The following LIMS1 variants were observed in gnomAD, a reference collection of about 807,000 sequenced individuals.
LIMS1 encodes the protein LIM zinc finger domain containing 1.
LIMS1 carries 18 observed loss-of-function variants against 44.1 expected under a neutral mutation model. That is an observed-to-expected ratio of 0.41 (90% CI 0.28 to 0.61). LIMS1 has a LOEUF of 0.61. LIMS1 is among the 20% of genes least tolerant of loss of function. LIMS1 has a pLI of 0.32. For synonymous variants in LIMS1, 93 were observed against 149.1 expected (o/e 0.62, Z 2.74); for missense variants, 201 against 422.0 (o/e 0.48, Z 4.59).
chr2:108,551,909 A>T (rs1270132845), intron 1 of LIMS1, among the ~76,000 whole-genome samples: 2 of 135,924 alleles, frequency 1.5e-5, no homozygotes, highest in African/African-American at 2.8e-5. Context: ...ATATATGTAT[A>T]TGTGTGTATA....
chr2:108,638,959 T>C (rs976569439), intron 1 of LIMS1, among the ~76,000 whole-genome samples: 1 of 151,684 alleles, frequency 6.6e-6, no homozygotes, highest in Non-Finnish European at 1.5e-5. Context: ...AGGAGAATGG[T>C]GTGAACCCGG....
chr2:108,589,767 CT>C (rs758552270), intron 1 of LIMS1, among the ~76,000 whole-genome samples: 100 of 152,170 alleles, frequency 6.6e-4, no homozygotes, highest in Non-Finnish European at 1.2e-3. Flanking sequence ...TTAATTTCCC[CT>C]TTAATTTTTT....
rs1573354209 is a variant in LIMS1 at position 108,574,426 on chromosome 2, G to T, written c.32+39832G>T. 2.0e-5 allele frequency among the ~76,000 whole-genome samples: 3 copies of T among 152,208 alleles called. No individual in the cohort carries two copies. The Middle Eastern group carries it at 0.01, about 518-fold the overall frequency. ...ATTTGCTGGGGCTTTTTTCTCATCTGGCTGCTCTCCACTGCCCAAGACTTA... is the reference window on the plus strand; with the variant it reads ...ATTTGCTGGGGCTTTTTTCTCATCTTGCTGCTCTCCACTGCCCAAGACTTA... On this transcript the variant is annotated intron_variant, in intron 1 of 9. Transcript: ENST00000544547.
upstream of LIMS1, chr2:108,533,970 G>C (rs886773161): frequency 2.6e-5 from 4 of 153,160 alleles, no homozygotes; most frequent in Non-Finnish European, 4.4e-5. Context: ...AGGACGGGGC[G>C]GAACCCTGTG....
chr2:108,616,114 A>G (rs1687913781), intron 1 of LIMS1, among the ~76,000 whole-genome samples: 1 of 151,876 alleles, frequency 6.6e-6, no homozygotes, highest in Non-Finnish European at 1.5e-5. Context: ...ATAATGGTCT[A>G]AATTGAAGAC....
chr2:108,628,084 A>G (rs1412993932), intron 1 of LIMS1, among the ~76,000 whole-genome samples: 1 of 152,148 alleles, frequency 6.6e-6, no homozygotes, highest in Admixed American at 6.5e-5. Flanking sequence ...TGCAGTGCTG[A>G]GTGTTCTTGA....
At chr2:108,624,711 C>A (rs1471220265) in intron 1 of LIMS1, among the ~76,000 whole-genome samples, 1 of 152,042 alleles carries the variant, frequency 6.6e-6, no homozygotes. Flanking sequence ...GAGCCGAGAT[C>A]GCGCCACTGC....
At chr2:108,625,187 A>G (rs1374908047) in intron 1 of LIMS1, among the ~76,000 whole-genome samples, 1 of 152,210 alleles carries the variant, frequency 6.6e-6, no homozygotes, top group Non-Finnish European at 1.5e-5. Context: ...TGGGTTTTAC[A>G]TTTTTGAATG....
chr2:108,592,435 T>C (rs1292199573), intron 1 of LIMS1, among the ~76,000 whole-genome samples: 1 of 152,068 alleles, frequency 6.6e-6, no homozygotes, highest in African/African-American at 2.4e-5. Context: ...TCTAAAAAAA[T>C]TGAAAAATAA....
chr2:108,559,186 C>T (rs1292608800), intron 1 of LIMS1, among the ~76,000 whole-genome samples: 1 of 152,170 alleles, frequency 6.6e-6, no homozygotes, highest in Non-Finnish European at 1.5e-5. Flanking sequence ...ATAAAGTTCT[C>T]TGTAGAAGGC....
intron 1 of LIMS1, among the ~76,000 whole-genome samples, chr2:108,587,576 G>C (rs1686171405): frequency 6.6e-6 from 1 of 151,976 alleles, no homozygotes. Flanking sequence ...TCCTAAAAAT[G>C]ATTCCTCTAT....
At chr2:108,540,111 C>A (rs1196843535) in intron 1 of LIMS1, among the ~76,000 whole-genome samples, 1 of 149,950 alleles carries the variant, frequency 6.7e-6, no homozygotes, top group Non-Finnish European at 1.5e-5. Context: ...AATCTATGCA[C>A]ATACTAAGTG....
At chr2:108,667,547 A>ATATATAT (rs1248370235) in intron 2 of LIMS1, among the ~76,000 whole-genome samples, 31 of 72,480 alleles carry the variant, frequency 4.3e-4, no homozygotes, top group African/African-American at 1.4e-3. Context: ...TTAAAAAAAA[A>ATATATAT]AAAAATATAT....
chr2:108,639,660 T>G (rs1355602478), intron 1 of LIMS1, among the ~76,000 whole-genome samples: 1 of 151,954 alleles, frequency 6.6e-6, no homozygotes, highest in East Asian at 1.9e-4. Context: ...ACCATGTTGG[T>G]CAGGCTGATC....
chr2:108,592,126 G>T (rs1005003259), intron 1 of LIMS1, among the ~76,000 whole-genome samples: 1 of 152,068 alleles, frequency 6.6e-6, no homozygotes, highest in Non-Finnish European at 1.5e-5. Context: ...GGGACTTACA[G>T]TGATTTTAAA....
chr2:108,608,859 G>GGGGAT (rs1367412739), intron 1 of LIMS1, among the ~76,000 whole-genome samples: 1 of 152,044 alleles, frequency 6.6e-6, no homozygotes, highest in African/African-American at 2.4e-5. Flanking sequence ...AGGGTGTTAG[G>GGGGAT]GGGATCAAAT....
intron 1 of LIMS1, among the ~76,000 whole-genome samples, chr2:108,642,179 T>G (rs1469416925): frequency 6.6e-6 from 1 of 152,176 alleles, no homozygotes; most frequent in Non-Finnish European, 1.5e-5. Flanking sequence ...GAATGAAGCA[T>G]TTACTAAGCA....
chr2:108,637,343 A>AT (rs1292089051), intron 1 of LIMS1, among the ~76,000 whole-genome samples: 1 of 152,096 alleles, frequency 6.6e-6, no homozygotes, highest in Non-Finnish European at 1.5e-5. Context: ...TGAAATTCTC[A>AT]TGGTTTTCTT....
chr2:108,612,256 G>A (rs1687698476), intron 1 of LIMS1, among the ~76,000 whole-genome samples: 1 of 151,886 alleles, frequency 6.6e-6, no homozygotes, highest in Non-Finnish European at 1.5e-5. Context: ...GGAGCAAGTG[G>A]CTGCTTGACC....
Sources: gnomAD v4.1 joint callset for allele counts (sites outside exome capture counted in the v4.1 genomes callset) on GRCh38, gnomAD v4.1.1 for gene constraint, MANE v1.5 for transcripts, NCBI Gene and HGNC (gene_info 2026-07-23, HGNC 2026-07-21) for gene names.